ATP7B: variants seen among roughly 807,000 people sequenced by gnomAD.
ATP7B encodes the protein ATPase copper transporting beta, also known as copper-transporting ATPase 2.
In ATP7B, 113 loss-of-function variants were observed where a neutral mutation model predicts 118.9. The observed-to-expected ratio is 0.95, with a 90% CI of 0.82 to 1.11. ATP7B has a LOEUF of 1.11. ATP7B is among the 50% of genes most tolerant of loss of function. ATP7B has a pLI of 0.00. For synonymous variants in ATP7B, 777 were observed against 727.4 expected (o/e 1.07, Z -1.10); for missense variants, 1,867 against 1,871.4 (o/e 1.00, Z 0.04).
At chr13:52,011,201 G>A in intron 1 of ATP7B, 86 bp downstream of exon 1, 1 of 1,603,646 alleles carries the variant, frequency 6.2e-7, no homozygotes, top group Non-Finnish European at 8.5e-7. Flanking sequence ...CGCACCCCCT[G>A]GGGGCGAGTA....
chr13:51,960,895 C>T (rs976919417), intron 6 of ATP7B, among the ~76,000 whole-genome samples: 1 of 152,046 alleles, frequency 6.6e-6, no homozygotes, highest in Non-Finnish European at 1.5e-5. Context: ...CATGAAATTC[C>T]AACCGAGTGG....
chr13:52,009,668 C>T (rs112772570), intron 1 of ATP7B, among the ~76,000 whole-genome samples: 3 of 152,246 alleles, frequency 2.0e-5, no homozygotes, highest in African/African-American at 4.8e-5. Context: ...TGACGCTTCA[C>T]GGGGCACAAA....
At chr13:51,984,016 T>A (rs1303751925) in intron 1 of ATP7B, among the ~76,000 whole-genome samples, 2 of 151,902 alleles carry the variant, frequency 1.3e-5, no homozygotes, top group African/African-American at 4.8e-5. Context: ...CTTCAAAGGA[T>A]CACAACTCCC....
chr13:52,002,220 C>T (rs1953521441), intron 1 of ATP7B, among the ~76,000 whole-genome samples: 2 of 151,944 alleles, frequency 1.3e-5, no homozygotes, highest in Non-Finnish European at 2.9e-5. Flanking sequence ...GCAAAAACAA[C>T]TTACAAATGT....
At chr13:51,984,061 C>T (rs569294334) in intron 1 of ATP7B, among the ~76,000 whole-genome samples, 4 of 151,930 alleles carry the variant, frequency 2.6e-5, no homozygotes, top group South Asian at 2.1e-4. Flanking sequence ...ATGGAGAATG[C>T]GTTTAACAAA....
rs1017897281 is a variant in ATP7B at position 51,966,816 on chromosome 13, G to C, written c.1707+1628C>G. 2.2e-5 allele frequency: 36 copies of C among 1,612,824 alleles called. No homozygotes were observed. The African/African-American group carries it at 4.4e-4, about 20-fold the overall frequency. The stretch of plus-strand genomic sequence containing the variant: ...AAGGCTTTGATGAATACATGAAGGA[G>C]CTAGGAGTGGGAATAGCTTTGCAAA... On this transcript the variant is annotated intron_variant, in intron 4 of 20. Coordinates refer to ENST00000242839, the MANE Select transcript of ATP7B (RefSeq NM_000053.4).
At chr13:52,001,285 A>AT (rs1334683651) in intron 1 of ATP7B, among the ~76,000 whole-genome samples, 2 of 152,204 alleles carry the variant, frequency 1.3e-5, no homozygotes, top group Admixed American at 1.3e-4. Context: ...CAGAATACCT[A>AT]TAAGAGGAAG....
intron 13 of ATP7B, 90 bp downstream of exon 13, chr13:51,946,192 TGA>T (rs1957639082): frequency 1.3e-6 from 2 of 1,489,606 alleles, no homozygotes; most frequent in East Asian, 2.5e-5. Flanking sequence ...ACTGCTGTCT[TGA>T]GTGGCTCTCA....
chr13:51,949,763 C>T lies in ATP7B; in HGVS notation c.2764G>A (p.Gly922Arg), dbSNP rs1316941063. 1 of 1,614,040 alleles carries T rather than the reference C, an allele frequency of 6.2e-7. No homozygotes were observed. Residue 922 changes from glycine (G) to arginine (R), a missense_variant, in exon 12 of 21, where the codon GGA (glycine) becomes AGA (arginine). By Grantham distance (125) the Gly-to-Arg change is moderately radical (BLOSUM62 -2). Transcript: ENST00000242839. ...PIQQLADRFS[G>R]YFVPFIIIMS... ...ATGATGATAAATGGGACAAAATATC[C>T]ACTAAACCGGTCAGCCAGCTGCTGA...
At position 51,970,473 on chromosome 13, in the gene ATP7B, A is replaced by C. The variant is rs375016472; in HGVS notation, c.1543+19T>G. The C allele has an allele frequency of 4.3e-6, 7 of 1,614,042 alleles. No homozygotes were observed. The highest frequency in any genetic ancestry group is 5.1e-6 in the Non-Finnish European group (6 of 1,180,000). On this transcript the variant is annotated intron_variant, in intron 3 of 20. Transcript: ENST00000242839. ...TATACGCAGCATTCCTAAGTTCAAC[A>C]TGGGCGTTCATCTCTTACCAGCTTC...
intron 9 of ATP7B, among the ~76,000 whole-genome samples, chr13:51,952,115 G>A (rs1292729713): frequency 6.6e-6 from 1 of 152,208 alleles, no homozygotes; most frequent in Non-Finnish European, 1.5e-5. Flanking sequence ...GGATTAAAGT[G>A]GGGATTGTGT....
chr13:51,986,854 G>A (rs1363595391), intron 1 of ATP7B, among the ~76,000 whole-genome samples: 4 of 152,036 alleles, frequency 2.6e-5, no homozygotes, highest in East Asian at 3.8e-4. Context: ...GAAGACCTTC[G>A]AAAAAATTCA....
chr13:51,953,439 G>C (rs1346520738), intron 9 of ATP7B, among the ~76,000 whole-genome samples: 1 of 152,184 alleles, frequency 6.6e-6, no homozygotes, highest in Non-Finnish European at 1.5e-5. Flanking sequence ...ATGTACAGTT[G>C]GGTGTCTTTC....
At chr13:51,989,604 A>C (rs1306445555) in intron 1 of ATP7B, among the ~76,000 whole-genome samples, 2 of 152,204 alleles carry the variant, frequency 1.3e-5, no homozygotes, top group Non-Finnish European at 2.9e-5. Flanking sequence ...CAAATATGTT[A>C]TTTTCAATAT....
rs772089544 is a variant in ATP7B at position 51,946,309 on chromosome 13, C to A, written c.3035G>T (p.Gly1012Val). 1.0e-5 allele frequency: 16 copies of A among 1,597,568 alleles called. No individual in the cohort carries two copies. The highest frequency in any genetic ancestry group is 8.5e-6 in the Non-Finnish European group (10 of 1,172,664). The change falls in exon 13 of 21, where the codon GGC (glycine) becomes GTC (valine). Residue 1012 changes from glycine (G) to valine (V), a missense_variant. By Grantham distance (109) the Gly-to-Val change is moderately radical. Coordinates refer to ENST00000242839, the MANE Select transcript of ATP7B (RefSeq NM_000053.4). ...CTTGTGCGCCATCTCCAGGGGCTTG[C>A]CTCCCTTGATGAGGATGCCGTTCTG... Reference protein sequence around the residue: ...AAQNGILIKGGKPLEMAHKIK... With the variant: ...AAQNGILIKGVKPLEMAHKIK...
chr13:51,965,329 A>G lies in ATP7B; in HGVS notation c.1708-296T>C, dbSNP rs901848203. 2.0e-5 allele frequency among the ~76,000 whole-genome samples: 3 copies of G among 152,250 alleles called. No homozygotes were observed. The South Asian group carries it at 6.2e-4, about 32-fold the overall frequency. Reference sequence around the variant, plus strand: ...GCTCTGATACAGATGGGCTTTTATAAGCCCCTCTCCACTGTCTGTTACCTC... The same window carrying G: ...GCTCTGATACAGATGGGCTTTTATAGGCCCCTCTCCACTGTCTGTTACCTC... On this transcript the variant is annotated intron_variant, in intron 4 of 20. Transcript: ENST00000242839.
Position 51,974,679 on chromosome 13 carries a change from G to C in ATP7B, c.541C>G (p.Gln181Glu). The C allele has an allele frequency of 6.2e-7, 1 of 1,611,200 alleles. No homozygotes were observed. The highest frequency in any genetic ancestry group is 1.1e-5 in the South Asian group (1 of 91,034). ...VVRVKVSLSN[Q>E]EAVITYQPYL... The stretch of plus-strand genomic sequence containing the variant: ...GGCTGATAAGTGATGACGGCCTCTT[G>C]GTTGCTGAGTGAGACTTTGACTCTC... Residue 181 changes from glutamine to glutamate, a missense_variant, in exon 2 of 21, where the codon CAA becomes GAA. Physicochemically the swap from Gln to Glu is conservative, Grantham distance 29. Coordinates refer to ENST00000242839, the MANE Select transcript of ATP7B (RefSeq NM_000053.4).
At chr13:51,994,787 T>C (rs946530201) in intron 1 of ATP7B, among the ~76,000 whole-genome samples, 4 of 152,196 alleles carry the variant, frequency 2.6e-5, no homozygotes, top group African/African-American at 9.7e-5. Context: ...TTGTTTTTTA[T>C]TTTCGTCTGA....
chr13:51,990,024 G>C lies in ATP7B; in HGVS notation c.52-14856C>G, dbSNP rs1321823710. Among the ~76,000 whole-genome samples, 3 of 151,988 alleles carry C rather than the reference G, an allele frequency of 2.0e-5. No homozygotes were observed. The East Asian group carries it at 5.8e-4, about 29-fold the overall frequency. ...AATTAGCACTACTCTATAAATGCAT[G>C]ATGGGAAATGCTACTTAAAATAATC... On this transcript the variant is annotated intron_variant, in intron 1 of 20. Coordinates refer to ENST00000242839, the MANE Select transcript of ATP7B (RefSeq NM_000053.4).
Sources: allele counts gnomAD v4.1 joint callset (sites outside exome capture counted in the v4.1 genomes callset), GRCh38; gene constraint gnomAD v4.1.1; transcripts MANE v1.5; gene names NCBI Gene and HGNC (gene_info 2026-07-23, HGNC 2026-07-21).